Variants in PDGFD observed in about 807,000 individuals in gnomAD.
The protein encoded by PDGFD is platelet derived growth factor D.
A neutral mutation model predicts 44.7 loss-of-function variants in PDGFD; 30 were observed. That is an observed-to-expected ratio of 0.67 (90% CI 0.50 to 0.91). The LOEUF (loss-of-function observed/expected upper bound fraction) is 0.91. Ranked by LOEUF, PDGFD falls within the 40% of genes least tolerant of loss-of-function variation. The pLI, the probability that PDGFD is intolerant of heterozygous loss-of-function variation, is 0.00. For missense variants in PDGFD, 445 were observed against 457.8 expected (o/e 0.97, Z 0.25); for synonymous variants, 173 against 168.4 (o/e 1.03, Z -0.21).
intron 1 of PDGFD, among the ~76,000 whole-genome samples, chr11:104,007,488 T>A (rs530507366): frequency 1.4e-4 from 22 of 152,218 alleles, no homozygotes; most frequent in Non-Finnish European, 2.9e-4. Context: ...AGGAAAATAG[T>A]TGTTGAAGTA....
At chr11:103,963,480 C>G (rs945986666) in intron 3 of PDGFD, among the ~76,000 whole-genome samples, 1 of 152,034 alleles carries the variant, frequency 6.6e-6, no homozygotes, top group Non-Finnish European at 1.5e-5. Context: ...AAATGGCAAA[C>G]AGTCCTTCAC....
In PDGFD at chr11:104,068,008, G is replaced by C. The variant is rs367944231; in HGVS notation, c.125-67753C>G. 4.6e-5 allele frequency among the ~76,000 whole-genome samples: 7 copies of C among 152,236 alleles called. No homozygotes were observed. In the East Asian group the frequency reaches 1.2e-3, roughly 25 times the overall value. On this transcript the variant is annotated intron_variant, in intron 1 of 6. Transcript: ENST00000393158. ...AATTTCAGTTAAGTGAAAAGGAATAGAGTGTTATCACACACTTGAAATGTT... is the reference window on the plus strand; with the variant it reads ...AATTTCAGTTAAGTGAAAAGGAATACAGTGTTATCACACACTTGAAATGTT...
chr11:103,985,053 T>TATA (rs1555040398), intron 3 of PDGFD, among the ~76,000 whole-genome samples: 1 of 92,470 alleles, frequency 1.1e-5, no homozygotes, highest in African/African-American at 4.2e-5. Flanking sequence ...ATTTGTTTAA[T>TATA]ATATATTAAT....
intron 6 of PDGFD, among the ~76,000 whole-genome samples, chr11:103,924,393 T>G (rs1375640282): frequency 1.3e-5 from 2 of 152,206 alleles, no homozygotes; most frequent in Non-Finnish European, 1.5e-5. Context: ...AAGGACAACA[T>G]CCAATCTAGA....
chr11:103,926,733 T>G (rs1330373929), intron 6 of PDGFD, among the ~76,000 whole-genome samples, 179 bp downstream of exon 6: 4 of 152,210 alleles, frequency 2.6e-5, no homozygotes, highest in African/African-American at 7.2e-5. Context: ...AGGATAGGAT[T>G]AACCTGTCAT....
At chr11:104,117,263 A>G (rs928163131) in intron 1 of PDGFD, among the ~76,000 whole-genome samples, 1 of 152,014 alleles carries the variant, frequency 6.6e-6, no homozygotes, top group Non-Finnish European at 1.5e-5. Flanking sequence ...TGACAAACCC[A>G]CAGTCAAAAC....
intron 1 of PDGFD, among the ~76,000 whole-genome samples, chr11:104,072,256 ACTACT>A (rs1405569570): frequency 6.6e-6 from 1 of 151,864 alleles, no homozygotes; most frequent in African/African-American, 2.4e-5. Context: ...TTTATTTAAA[ACTACT>A]CTATGTGTTT....
intron 1 of PDGFD, among the ~76,000 whole-genome samples, chr11:104,044,692 G>A (rs1429501522): frequency 6.6e-6 from 1 of 152,142 alleles, no homozygotes; most frequent in African/African-American, 2.4e-5. Context: ...AATATACCAA[G>A]TGTCTGCAGT....
At chr11:103,970,881 T>C (rs1004526924) in intron 3 of PDGFD, among the ~76,000 whole-genome samples, 5 of 152,118 alleles carry the variant, frequency 3.3e-5, no homozygotes, top group East Asian at 1.9e-4. Flanking sequence ...ATCTATTAAA[T>C]TGTAGAATGG....
chr11:103,975,535 C>T (rs981750005), intron 3 of PDGFD, among the ~76,000 whole-genome samples: 1 of 152,082 alleles, frequency 6.6e-6, no homozygotes, highest in African/African-American at 2.4e-5. Context: ...GTTGCCATTG[C>T]TTTTGGTGTT....
chr11:104,037,784 T>C lies in PDGFD; in HGVS notation c.125-37529A>G, dbSNP rs115018397. ...TTCTTACAGTGCTCTTTCTCCATACTTGAGGATCAACCCATGGATATGCTT... is the reference window on the plus strand; with the variant it reads ...TTCTTACAGTGCTCTTTCTCCATACCTGAGGATCAACCCATGGATATGCTT... On this transcript the variant is annotated intron_variant, in intron 1 of 6. Transcript: ENST00000393158. 5.1e-5 allele frequency: 83 copies of C among 1,614,168 alleles called. No homozygotes were observed. In the East Asian group the frequency reaches 8.9e-4, roughly 17 times the overall value.
intron 3 of PDGFD, among the ~76,000 whole-genome samples, chr11:103,948,856 C>A (rs762056844): frequency 6.6e-6 from 1 of 151,548 alleles, no homozygotes; most frequent in Non-Finnish European, 1.5e-5. Flanking sequence ...GAGTCAAATG[C>A]GGGGTTCAAA....
chr11:103,987,720 TAGTA>T (rs1405245513), intron 3 of PDGFD, among the ~76,000 whole-genome samples: 1 of 152,210 alleles, frequency 6.6e-6, no homozygotes, highest in Admixed American at 6.5e-5. Flanking sequence ...AAAGAAAGGC[TAGTA>T]AGTGATTAGC....
intron 1 of PDGFD, among the ~76,000 whole-genome samples, chr11:104,087,313 G>A (rs564658521): frequency 4.0e-5 from 6 of 150,468 alleles, no homozygotes; most frequent in East Asian, 2.0e-4. Context: ...CTCCTGCCTC[G>A]GCCTCCTGCC....
intron 1 of PDGFD, among the ~76,000 whole-genome samples, chr11:104,058,379 T>C (rs1312613400): frequency 1.3e-5 from 2 of 152,306 alleles, no homozygotes. Context: ...GAATGGCACA[T>C]GAGCACATAA....
At chr11:103,944,910 G>A (rs1235584093) in intron 4 of PDGFD, among the ~76,000 whole-genome samples, 2 of 152,112 alleles carry the variant, frequency 1.3e-5, no homozygotes. Flanking sequence ...TTGGGTGAGA[G>A]GGTGAAATAG....
chr11:104,026,099 C>T (rs1485535017), intron 1 of PDGFD, among the ~76,000 whole-genome samples: 1 of 152,204 alleles, frequency 6.6e-6, no homozygotes, highest in Non-Finnish European at 1.5e-5. Context: ...GGCTGTAACA[C>T]TATCTTCTCC....
At chr11:104,149,786 C>T (rs1488350905) in intron 1 of PDGFD, among the ~76,000 whole-genome samples, 6 of 152,110 alleles carry the variant, frequency 3.9e-5, no homozygotes, top group African/African-American at 9.7e-5. Flanking sequence ...AGGACCCAGC[C>T]GGAGTATCCA....
chr11:103,957,842 GTTGCAAA>G, intron 3 of PDGFD, among the ~76,000 whole-genome samples: 1 of 152,134 alleles, frequency 6.6e-6, no homozygotes, highest in East Asian at 1.9e-4. Context: ...TGCACAGAAA[GTTGCAAA>G]TTGCAAAATA....
Sources: gnomAD v4.1 joint callset for allele counts (sites outside exome capture counted in the v4.1 genomes callset) on GRCh38, gnomAD v4.1.1 for gene constraint, MANE v1.5 for transcripts, NCBI Gene and HGNC (gene_info 2026-07-23, HGNC 2026-07-21) for gene names.